The following TNIK variants were observed in gnomAD, a reference collection of about 807,000 sequenced individuals.
TNIK encodes TRAF2 and NCK-interacting protein kinase.
A neutral mutation model predicts 191.3 loss-of-function variants in TNIK; 49 were observed. The ratio of observed to expected loss-of-function variants is 0.26; its 90% CI spans 0.20 to 0.32. TNIK has a LOEUF of 0.32. TNIK is among the 10% of genes least tolerant of loss of function. The pLI, the probability that TNIK is intolerant of heterozygous loss-of-function variation, is 1.00. For synonymous variants in TNIK, 594 were observed against 600.9 expected (o/e 0.99, Z 0.17); for missense variants, 1,155 against 1,702.3 (o/e 0.68, Z 5.66).
intron 2 of TNIK, among the ~76,000 whole-genome samples, chr3:171,235,370 T>G (rs9864823): frequency 6.6e-6 from 1 of 152,296 alleles, no homozygotes; most frequent in Non-Finnish European, 1.5e-5. Context: ...CATTCATTTC[T>G]GGGAGGACTA....
chr3:171,092,042 C>T (rs1342228952), intron 23 of TNIK, among the ~76,000 whole-genome samples: 1 of 151,394 alleles, frequency 6.6e-6, no homozygotes, highest in Non-Finnish European at 1.5e-5. Context: ...CTCTGCCTCC[C>T]GGGTTCACGC....
At chr3:171,441,538 T>C (rs1170286838) in intron 1 of TNIK, among the ~76,000 whole-genome samples, 1 of 152,218 alleles carries the variant, frequency 6.6e-6, no homozygotes, top group Non-Finnish European at 1.5e-5. Context: ...CACTACACTT[T>C]GTTTACCTAT....
chr3:171,286,745 C>T (rs1359775477), intron 2 of TNIK, among the ~76,000 whole-genome samples: 3 of 152,198 alleles, frequency 2.0e-5, no homozygotes, highest in Non-Finnish European at 2.9e-5. Context: ...TCTCAATCAA[C>T]ATTACCTGAT....
chr3:171,426,401 G>C (rs1577895245), intron 1 of TNIK, among the ~76,000 whole-genome samples: 1 of 114,164 alleles, frequency 8.8e-6, no homozygotes, highest in East Asian at 2.7e-4. Context: ...ACTGGGGCCT[G>C]TTGTGGGGTG....
At chr3:171,430,448 TG>T (rs1560064878) in intron 1 of TNIK, among the ~76,000 whole-genome samples, 1 of 151,986 alleles carries the variant, frequency 6.6e-6, no homozygotes, top group Non-Finnish European at 1.5e-5. Flanking sequence ...GAGACCAACC[TG>T]GGCAACATAG....
chr3:171,226,701 TTATC>T (rs71634494), intron 3 of TNIK, among the ~76,000 whole-genome samples: 12,260 of 152,166 alleles, frequency 0.081, 617 homozygotes, highest in Middle Eastern at 0.14. Context: ...AATTAGTACT[TTATC>T]TAAATGGTAA....
intron 18 of TNIK, among the ~76,000 whole-genome samples, chr3:171,117,932 T>C (rs891783294): frequency 2.0e-5 from 3 of 152,116 alleles, no homozygotes; most frequent in Admixed American, 2.0e-4. Flanking sequence ...ATCGCGCCAC[T>C]GCACTCCAGC....
intron 1 of TNIK, among the ~76,000 whole-genome samples, chr3:171,437,866 T>C (rs1577936922): frequency 2.6e-5 from 4 of 152,234 alleles, no homozygotes; most frequent in Admixed American, 2.6e-4. Context: ...GGGCCTACAA[T>C]GTGCCACTAA....
chr3:171,418,538 C>G (rs1434212559), intron 1 of TNIK, among the ~76,000 whole-genome samples: 1 of 152,098 alleles, frequency 6.6e-6, no homozygotes, highest in African/African-American at 2.4e-5. Context: ...CTCATACATG[C>G]TACTACAAGG....
intron 2 of TNIK, among the ~76,000 whole-genome samples, chr3:171,304,042 G>GGA (rs1753158291): frequency 6.6e-6 from 1 of 151,432 alleles, no homozygotes; most frequent in African/African-American, 2.4e-5. Context: ...AACCATGAGA[G>GGA]GAGGTGGGGG....
chr3:171,250,284 T>A (rs1242059951), intron 2 of TNIK, among the ~76,000 whole-genome samples: 1 of 152,198 alleles, frequency 6.6e-6, no homozygotes, highest in Non-Finnish European at 1.5e-5. Context: ...ACTGACCCAG[T>A]CTTGTTTGCC....
At chr3:171,129,865 G>A (rs1729010887) in intron 15 of TNIK, among the ~76,000 whole-genome samples, 1 of 152,162 alleles carries the variant, frequency 6.6e-6, no homozygotes, top group South Asian at 2.1e-4. Flanking sequence ...CTAAGATATG[G>A]CTTAAGATCT....
At chr3:171,382,035 A>T (rs542739461) in intron 1 of TNIK, among the ~76,000 whole-genome samples, 1 of 152,172 alleles carries the variant, frequency 6.6e-6, no homozygotes, top group South Asian at 2.1e-4. Flanking sequence ...ATCTTCCTTA[A>T]CCCACTAATA....
intron 12 of TNIK, among the ~76,000 whole-genome samples, chr3:171,145,795 T>C (rs1031894520): frequency 3.3e-5 from 5 of 150,814 alleles, no homozygotes; most frequent in Non-Finnish European, 5.9e-5. Context: ...TTTTTTTTTT[T>C]TGTTTAAATG....
rs551087423 is a variant in TNIK at position 171,448,737 on chromosome 3, G to T, written c.57+11270C>A. On this transcript the variant is annotated intron_variant, in intron 1 of 32. Coordinates refer to ENST00000436636, the MANE Select transcript of TNIK (RefSeq NM_015028.4). ...TTACATTCCTATCAGTAATATAGGA[G>T]CATTCCAATATTCTGTCTACTTATT... Among the ~76,000 whole-genome samples the T allele has an allele frequency of 2.0e-5, 3 of 152,094 alleles. No individual in the cohort carries two copies. The South Asian group carries it at 6.2e-4, about 32-fold the overall frequency.
intron 2 of TNIK, among the ~76,000 whole-genome samples, chr3:171,357,221 C>T (rs1714219113): frequency 6.6e-6 from 1 of 152,042 alleles, no homozygotes; most frequent in African/African-American, 2.4e-5. Context: ...AATTTATATA[C>T]TCAAACAGTT....
intron 2 of TNIK, chr3:171,347,278 A>G: frequency 6.7e-7 from 1 of 1,498,434 alleles, no homozygotes; most frequent in Non-Finnish European, 8.9e-7. Flanking sequence ...CACCAAACAC[A>G]TAGAGCACAC....
intron 2 of TNIK, among the ~76,000 whole-genome samples, chr3:171,316,623 G>A (rs1289560578): frequency 2.0e-5 from 3 of 152,004 alleles, no homozygotes; most frequent in Non-Finnish European, 2.9e-5. Flanking sequence ...AAGAAAGGCA[G>A]CTCACAGAGG....
intron 9 of TNIK, among the ~76,000 whole-genome samples, chr3:171,168,581 AT>A (rs561331243): frequency 3.3e-5 from 5 of 150,430 alleles, no homozygotes; most frequent in Admixed American, 6.6e-5. Flanking sequence ...AATCACTGGT[AT>A]TTTTTTTTTC....
Sources: gnomAD v4.1 joint callset for allele counts (sites outside exome capture counted in the v4.1 genomes callset) on GRCh38, gnomAD v4.1.1 for gene constraint, MANE v1.5 for transcripts, NCBI Gene and HGNC (gene_info 2026-07-23, HGNC 2026-07-21) for gene names.